Variants in RCAN2 observed in about 807,000 individuals in gnomAD.
The protein encoded by RCAN2 is regulator of calcineurin 2.
A neutral mutation model predicts 23.6 loss-of-function variants in RCAN2; 9 were observed. The observed-to-expected ratio is 0.38, with a 90% confidence interval of 0.23 to 0.67. The LOEUF (loss-of-function observed/expected upper bound fraction) is 0.67, where lower values mean the gene tolerates loss of function less well. Ranked by LOEUF, RCAN2 falls within the 30% of genes least tolerant of loss-of-function variation. The pLI is 0.51. For missense variants in RCAN2, 273 were observed against 302.3 expected, an observed-to-expected ratio of 0.90 and a Z score of 0.72; for synonymous variants, 109 against 115.7, an observed-to-expected ratio of 0.94 and a Z score of 0.37.
rs560935215 is a variant in RCAN2, at chr6:46,268,448, C to T, written c.226-19552G>A. 2.0e-5 allele frequency among the ~76,000 whole-genome samples: 3 copies of T among 152,292 alleles called. No individual in the cohort carries two copies. The South Asian group carries it at 6.2e-4, about 32-fold the overall frequency. Reference sequence around the variant, plus strand: ...TTCACCTGCTGTATAATGGTCATAACTGGATTTCTCTTCATCTAAATCTGG... The same window carrying T: ...TTCACCTGCTGTATAATGGTCATAATTGGATTTCTCTTCATCTAAATCTGG... On this transcript the variant is annotated intron_variant, in intron 2 of 4. Transcript: ENST00000371374.
chr6:46,379,795 T>C (rs544403145), intron 2 of RCAN2, among the ~76,000 whole-genome samples: 3 of 152,318 alleles, frequency 2.0e-5, no homozygotes, highest in African/African-American at 7.2e-5. Flanking sequence ...AATGTCGTTA[T>C]TGATGGCATG....
At chr6:46,436,690 G>A (rs528371223) in intron 2 of RCAN2, among the ~76,000 whole-genome samples, 2 of 152,300 alleles carry the variant, frequency 1.3e-5, no homozygotes, top group South Asian at 2.1e-4. Context: ...CTGTTTTACA[G>A]GTGAGGAAAT....
At chr6:46,358,852 G>T (rs1294382912) in intron 2 of RCAN2, among the ~76,000 whole-genome samples, 1 of 152,156 alleles carries the variant, frequency 6.6e-6, no homozygotes, top group Non-Finnish European at 1.5e-5. Flanking sequence ...AACATCCAGG[G>T]TTGGGACCTA....
intron 4 of RCAN2, among the ~76,000 whole-genome samples, chr6:46,240,234 T>C (rs1205536894): frequency 6.6e-6 from 1 of 152,132 alleles, no homozygotes; most frequent in Non-Finnish European, 1.5e-5. Context: ...AATGCAAGGG[T>C]AAACACTACA....
chr6:46,468,757 ACT>A, intron 1 of RCAN2: 1 of 950,558 alleles, frequency 1.1e-6, no homozygotes, highest in Non-Finnish European at 1.3e-6. Context: ...CTCTCTCCCC[ACT>A]CTTTCTCTCT....
chr6:46,332,968 A>G (rs530196277), intron 2 of RCAN2, among the ~76,000 whole-genome samples: 1 of 152,158 alleles, frequency 6.6e-6, no homozygotes, highest in Non-Finnish European at 1.5e-5. Flanking sequence ...TCTCCAGCAC[A>G]CGTTGTTTCC....
chr6:46,294,979 C>T (rs1304496524), intron 2 of RCAN2, among the ~76,000 whole-genome samples: 1 of 152,002 alleles, frequency 6.6e-6, no homozygotes, highest in Non-Finnish European at 1.5e-5. Context: ...AGGGCAGCTG[C>T]AGTAATCAAA....
intron 4 of RCAN2, among the ~76,000 whole-genome samples, chr6:46,244,366 C>A (rs1200728218): frequency 1.3e-5 from 2 of 151,976 alleles, no homozygotes; most frequent in Non-Finnish European, 2.9e-5. Flanking sequence ...CCTTCCGGGG[C>A]CTAATTTCCA....
intron 2 of RCAN2, among the ~76,000 whole-genome samples, chr6:46,414,425 ACTAGT>A (rs1280595473): frequency 6.6e-6 from 1 of 152,240 alleles, no homozygotes; most frequent in Non-Finnish European, 1.5e-5. Context: ...GGTCATTTGA[ACTAGT>A]CTTGAAAGAT....
chr6:46,378,818 G>A (rs930117951), intron 2 of RCAN2, among the ~76,000 whole-genome samples: 1 of 152,282 alleles, frequency 6.6e-6, no homozygotes. Context: ...TTAGAACAAT[G>A]TTGGCATAAA....
intron 2 of RCAN2, among the ~76,000 whole-genome samples, chr6:46,324,705 G>A (rs114669294): frequency 6.6e-4 from 101 of 152,336 alleles, no homozygotes; most frequent in African/African-American, 2.4e-3. Flanking sequence ...ATCAGAGGAC[G>A]ATTACCTATG....
intron 1 of RCAN2, among the ~76,000 whole-genome samples, chr6:46,460,645 A>C (rs1768179147): frequency 6.6e-6 from 1 of 152,168 alleles, no homozygotes. Context: ...TGTGATTACT[A>C]CTTTACTAGT....
intron 2 of RCAN2, among the ~76,000 whole-genome samples, chr6:46,352,128 G>A (rs1764666691): frequency 6.6e-6 from 1 of 152,144 alleles, no homozygotes; most frequent in African/African-American, 2.4e-5. Context: ...GACATTCTAA[G>A]GAGGCCTCTC....
chr6:46,389,631 T>C (rs1765870233), intron 2 of RCAN2, among the ~76,000 whole-genome samples: 1 of 152,224 alleles, frequency 6.6e-6, no homozygotes. Context: ...GTCAGACTAT[T>C]ATATAGGTGT....
At chr6:46,281,692 T>C (rs1053753904) in intron 2 of RCAN2, among the ~76,000 whole-genome samples, 1 of 152,248 alleles carries the variant, frequency 6.6e-6, no homozygotes, top group Non-Finnish European at 1.5e-5. Flanking sequence ...ATTTTTCTTT[T>C]TATTAGTGAT....
chr6:46,398,652 C>T (rs1280289011), intron 2 of RCAN2, among the ~76,000 whole-genome samples: 1 of 152,020 alleles, frequency 6.6e-6, no homozygotes, highest in Non-Finnish European at 1.5e-5. Flanking sequence ...AATGTAACAA[C>T]ATATTTCTGG....
At chr6:46,305,553 T>C (rs1763035118) in intron 2 of RCAN2, among the ~76,000 whole-genome samples, 4 of 151,976 alleles carry the variant, frequency 2.6e-5, no homozygotes, top group South Asian at 4.1e-4. Context: ...GCTTGATTGA[T>C]TTTTGTCTCA....
intron 2 of RCAN2, among the ~76,000 whole-genome samples, chr6:46,391,177 G>T (rs1561886439): frequency 6.6e-6 from 1 of 152,156 alleles, no homozygotes; most frequent in Non-Finnish European, 1.5e-5. Flanking sequence ...GATAATAACA[G>T]TTGCTACAGT....
chr6:46,440,174 T>C (rs774319435), intron 2 of RCAN2, among the ~76,000 whole-genome samples: 3 of 152,184 alleles, frequency 2.0e-5, no homozygotes, highest in Non-Finnish European at 2.9e-5. Flanking sequence ...CCTCAAATGC[T>C]TTATAAGTGT....
Sources: gnomAD v4.1 joint callset for allele counts (sites outside exome capture counted in the v4.1 genomes callset) on GRCh38, gnomAD v4.1.1 for gene constraint, MANE v1.5 for transcripts, NCBI Gene and HGNC (gene_info 2026-07-23, HGNC 2026-07-21) for gene names.